The following BEND5 variants were observed in gnomAD, a reference collection of about 807,000 sequenced individuals.
BEND5 encodes BEN domain-containing protein 5.
In BEND5, 22 loss-of-function variants were observed where a neutral mutation model predicts 43.9. The ratio of observed to expected loss-of-function variants is 0.50; its 90% CI spans 0.36 to 0.72. The LOEUF (loss-of-function observed/expected upper bound fraction) is 0.72. Among genes scored for constraint, BEND5 ranks in the 30% least tolerant of loss-of-function variants. BEND5 has a pLI of 0.00. For synonymous variants in BEND5, 228 were observed against 225.9 expected (o/e 1.01, Z -0.08); for missense variants, 428 against 550.6 (o/e 0.78, Z 2.23).
Position 48,758,763 on chromosome 1 carries a change from T to C in BEND5, c.745+137A>G, listed in dbSNP as rs115724570. The C allele has an allele frequency of 1.6e-3, 1,102 of 710,264 alleles. 13 individuals carry two copies. The African/African-American group carries it at 0.019, about 12-fold the overall frequency. The allele number at this position is 710,264 out of a possible 1,614,324, so 44.0% of individuals were successfully genotyped here. ...AGTGGGGAGTGACTCTTCCTTGAGGTAACTGGTAAGCCAAGAGTCTGTCCT... is the reference window on the plus strand; with the variant it reads ...AGTGGGGAGTGACTCTTCCTTGAGGCAACTGGTAAGCCAAGAGTCTGTCCT... On this transcript the variant is annotated intron_variant, in intron 3 of 5. Transcript: ENST00000371833.
chr1:48,757,886 C>T (rs1451953081), intron 3 of BEND5, among the ~76,000 whole-genome samples: 1 of 152,182 alleles, frequency 6.6e-6, no homozygotes, highest in Non-Finnish European at 1.5e-5. Flanking sequence ...TTACTGTCTT[C>T]AGGGGCTATG....
chr1:48,742,959 A>G (rs1170066801), intron 3 of BEND5, among the ~76,000 whole-genome samples, 188 bp from the exon 4 acceptor site: 1 of 152,234 alleles, frequency 6.6e-6, no homozygotes, highest in African/African-American at 2.4e-5. Context: ...AAAAGGTGGA[A>G]AACTGGAAGA....
At position 48,728,172 on chromosome 1, in the gene BEND5, A is replaced by G. The variant is rs961993799; in HGVS notation, c.1109-129T>C. 5.0e-6 allele frequency: 4 copies of G among 792,432 alleles called. No homozygotes were observed. In the African/African-American group the frequency reaches 5.3e-5, roughly 10 times the overall value. The allele number at this position is 792,432 out of a possible 1,614,324, so 49.1% of individuals were successfully genotyped here. The stretch of plus-strand genomic sequence containing the variant: ...ACCAGCTTATGTATCTGGCATAGCT[A>G]TATTTTAAAATTTGCATCATAGAAT... On this transcript the variant is annotated intron_variant, in intron 5 of 5. Transcript: ENST00000371833.
At chr1:48,749,547 C>G (rs1169585013) in intron 3 of BEND5, among the ~76,000 whole-genome samples, 1 of 152,218 alleles carries the variant, frequency 6.6e-6, no homozygotes, top group Non-Finnish European at 1.5e-5. Context: ...TTCCACTACC[C>G]TACCCCTCCT....
At chr1:48,732,296 A>C (rs1200904578) in intron 5 of BEND5, among the ~76,000 whole-genome samples, 1 of 152,210 alleles carries the variant, frequency 6.6e-6, no homozygotes, top group East Asian at 1.9e-4. Context: ...AGAGATAACC[A>C]GTGGGCACTT....
At position 48,736,093 on chromosome 1, in the gene BEND5, G is replaced by T; in HGVS notation, c.1108+146C>A. 1.2e-6 allele frequency: 1 copy of T among 833,244 alleles called. No individual in the cohort carries two copies. The highest frequency in any genetic ancestry group is 1.9e-6 in the Non-Finnish European group (1 of 521,656). The allele number at this position is 833,244 out of a possible 1,614,324, so 51.6% of individuals were successfully genotyped here. A position where few individuals can be genotyped will look rare whatever the true frequency, so the allele number is the denominator to read the frequency against. ...ATGTGAGCTCTTCTGGGGCATTTGG[G>T]TTATCCGCTTGGTGTCCCCGGGCTC... On this transcript the variant is annotated intron_variant, in intron 5 of 5. Transcript: ENST00000371833. The surrounding 1 kb of genome is among the most constrained non-coding windows in gnomAD (Gnocchi z 4.0).
chr1:48,760,769 T>C lies in BEND5; in HGVS notation c.360+568A>G, dbSNP rs573516077. ...TTCTCCCTTCCTCTCAGGTATCTAC[T>C]GCACAGAAAAAAACAGCTAGCTTGC... On this transcript the variant is annotated intron_variant, in intron 2 of 5. Coordinates refer to ENST00000371833, the MANE Select transcript of BEND5 (RefSeq NM_024603.4). Among the ~76,000 whole-genome samples the C allele has an allele frequency of 2.8e-4, 43 of 152,286 alleles. No homozygotes were observed. The South Asian group carries it at 3.9e-3, about 14-fold the overall frequency.
At chr1:48,735,733 C>G (rs1050425835) in intron 5 of BEND5, among the ~76,000 whole-genome samples, 7 of 152,080 alleles carry the variant, frequency 4.6e-5, no homozygotes, top group African/African-American at 1.7e-4. Flanking sequence ...GCTCCAGGCA[C>G]AATGCTAGAA....
At chr1:48,763,441 A>C (rs897553593) in intron 1 of BEND5, among the ~76,000 whole-genome samples, 1 of 152,194 alleles carries the variant, frequency 6.6e-6, no homozygotes, top group Non-Finnish European at 1.5e-5. Context: ...AAAGTACTTC[A>C]GATGAAATTA....
In BEND5 at chr1:48,776,682, C is replaced by T. The variant is rs1275871419; in HGVS notation, c.150G>A (p.Gly50=). ...VYRGPEELGA[G]PESPPRAPRD... ...GGGGGGCGCGCGGGGGGCTCTCGGG[C>T]CCGGCGCCCAATTCCTCCGGGCCCC... The change falls in exon 1 of 6, where the codon GGG becomes GGA. Residue 50 remains glycine (G), a synonymous_variant. Coordinates refer to ENST00000371833, the MANE Select transcript of BEND5 (RefSeq NM_024603.4). The T allele has an allele frequency of 6.6e-7, 1 of 1,512,940 alleles. No homozygotes were observed. Among genetic ancestry groups the T allele is most frequent in the South Asian group, 1.2e-5 (1 of 80,278 alleles). 93.7% of individuals were successfully genotyped at this position (1,512,940 alleles called of 1,614,324 possible).
In BEND5 at chr1:48,736,147, A is replaced by G; in HGVS notation, c.1108+92T>C. 5 of 1,419,900 alleles carry G rather than the reference A, an allele frequency of 3.5e-6. No homozygotes were observed. Among genetic ancestry groups the G allele is most frequent in the South Asian group, 2.4e-5 (2 of 83,442 alleles). 88.0% of individuals were successfully genotyped at this position (1,419,900 alleles called of 1,614,324 possible). ...CCAGGGTCTGGCATGCAGAAGCTTC[A>G]TAAGTAATCGTTGAATTGAATTGTG... On this transcript the variant is annotated intron_variant, in intron 5 of 5. Coordinates refer to ENST00000371833, the MANE Select transcript of BEND5 (RefSeq NM_024603.4). This position sits in a 1 kb window ranked among gnomAD's most constrained non-coding sequence, Gnocchi z 4.0.
chr1:48,776,074 T>C (rs1384856615), intron 1 of BEND5, among the ~76,000 whole-genome samples: 3 of 152,106 alleles, frequency 2.0e-5, no homozygotes, highest in Non-Finnish European at 2.9e-5. Flanking sequence ...GACAAGGATG[T>C]CATAGCTTCC....
Position 48,776,880 on chromosome 1 carries a change from G to T in BEND5, c.-49C>A. Reference sequence around the variant, plus strand: ...GGTCGGGCAGCTCAGCCCGCGGGGCGGGCGCGGAGGTGGGGATCCGGCGGG... The same window carrying T: ...GGTCGGGCAGCTCAGCCCGCGGGGCTGGCGCGGAGGTGGGGATCCGGCGGG... On this transcript the variant is annotated 5_prime_UTR_variant, in exon 1 of 6. Transcript: ENST00000371833. The T allele has an allele frequency of 7.5e-7, 1 of 1,327,756 alleles. No individual in the cohort carries two copies. Among genetic ancestry groups the T allele is most frequent in the Non-Finnish European group, 1.0e-6 (1 of 994,524 alleles). 82.2% of individuals were successfully genotyped at this position (1,327,756 alleles called of 1,614,324 possible).
intron 3 of BEND5, among the ~76,000 whole-genome samples, chr1:48,755,596 G>A (rs1215835084): frequency 1.3e-5 from 2 of 152,212 alleles, no homozygotes; most frequent in Admixed American, 6.5e-5. Flanking sequence ...CTGAAGCCGA[G>A]AGTCAAACAA....
intron 1 of BEND5, among the ~76,000 whole-genome samples, chr1:48,762,656 G>GTGTA (rs1553227963): frequency 0.19 from 25,773 of 138,158 alleles, 2,383 homozygotes; most frequent in Admixed American, 0.21. Context: ...GTGTGTGTGT[G>GTGTA]TGTATGTATT....
At chr1:48,750,868 G>A (rs894076827) in intron 3 of BEND5, among the ~76,000 whole-genome samples, 16 of 152,086 alleles carry the variant, frequency 1.1e-4, no homozygotes, top group Non-Finnish European at 1.8e-4. Context: ...GTTCCTTATA[G>A]GACTAAGGTC....
At chr1:48,748,318 T>C (rs1651089512) in intron 3 of BEND5, among the ~76,000 whole-genome samples, 1 of 152,212 alleles carries the variant, frequency 6.6e-6, no homozygotes, top group African/African-American at 2.4e-5. Context: ...CCCATTAGTC[T>C]TCCAGTGAAA....
At chr1:48,741,139 T>C (rs1404469346) in intron 4 of BEND5, among the ~76,000 whole-genome samples, 1 of 152,192 alleles carries the variant, frequency 6.6e-6, no homozygotes, top group Non-Finnish European at 1.5e-5. Flanking sequence ...TCTTGGAAGC[T>C]ACTTTAAGAA....
intron 1 of BEND5, among the ~76,000 whole-genome samples, chr1:48,768,009 G>A (rs1298585699): frequency 6.6e-6 from 1 of 152,132 alleles, no homozygotes; most frequent in Non-Finnish European, 1.5e-5. Flanking sequence ...CAGAAACTGA[G>A]GCTCAAAGAA....
Sources: allele counts gnomAD v4.1 joint callset (sites outside exome capture counted in the v4.1 genomes callset), GRCh38; gene constraint gnomAD v4.1.1; non-coding constraint Gnocchi (gnomAD v3.1); transcripts MANE v1.5; gene names NCBI Gene and HGNC (gene_info 2026-07-23, HGNC 2026-07-21).